Variants in ANKRD35 observed in about 807,000 individuals in gnomAD.
The protein encoded by ANKRD35 is ankyrin repeat domain-containing protein 35.
A neutral mutation model predicts 109.9 loss-of-function variants in ANKRD35; 102 were observed. The ratio of observed to expected loss-of-function variants is 0.93; its 90% CI spans 0.79 to 1.09. The LOEUF is 1.09. Among genes scored for constraint, ANKRD35 ranks in the 50% least tolerant of loss-of-function variants. ANKRD35 has a pLI of 0.00. For synonymous variants in ANKRD35, 515 were observed against 512.4 expected (o/e 1.01, Z -0.07); for missense variants, 1,240 against 1,230.1 (o/e 1.01, Z -0.12).
chr1:145,885,189 T>G (rs1256047169), intron 1 of ANKRD35, among the ~76,000 whole-genome samples: 1 of 151,766 alleles, frequency 6.6e-6, no homozygotes, highest in East Asian at 1.9e-4. Flanking sequence ...CAGAGGAGAT[T>G]GTGAAAAAGG....
intron 1 of ANKRD35, among the ~76,000 whole-genome samples, chr1:145,880,787 T>G (rs1286795151): frequency 6.6e-6 from 1 of 152,186 alleles, no homozygotes; most frequent in Non-Finnish European, 1.5e-5. Flanking sequence ...TAAAATTATC[T>G]AAGGTAGATG....
rs781870617 is a variant in ANKRD35 at position 145,872,571 on chromosome 1, A to C, written c.2198T>G (p.Ile733Ser). 1 of 1,611,498 alleles carries C rather than the reference A, an allele frequency of 6.2e-7. No homozygotes were observed. Residue 733 changes from isoleucine to serine, a missense_variant, in exon 10 of 14, where the codon ATC becomes AGC. Transcript: ENST00000355594. ...CCGGTGCCGATCCACCAGGGTGCTG[A>C]TGCAGGCCCGCAGCTCCTCCAGGGA... ...AESLEELRACISTLVDRHREA... is the reference protein window; with the variant it reads ...AESLEELRACSSTLVDRHREA...
intron 1 of ANKRD35, among the ~76,000 whole-genome samples, chr1:145,884,217 A>G (rs1161917150): frequency 6.6e-6 from 1 of 152,386 alleles, no homozygotes; most frequent in East Asian, 1.9e-4. Context: ...GAATTTCTAA[A>G]AAGTCATTAT....
intron 6 of ANKRD35, 92 bp downstream of exon 6, chr1:145,876,477 A>G: frequency 6.9e-7 from 1 of 1,458,022 alleles, no homozygotes. Context: ...GTGCTAACAC[A>G]GCCCTAGGTC....
At chr1:145,875,142 GA>G in intron 7 of ANKRD35, 136 bp from the exon 8 acceptor site, 1 of 748,338 alleles carries the variant, frequency 1.3e-6, no homozygotes, top group Non-Finnish European at 2.0e-6. Context: ...GACCAGACTA[GA>G]CTTCTCTTTT....
At chr1:145,876,442 CAGG>C in intron 6 of ANKRD35, 124 bp downstream of exon 6, 3 of 1,208,828 alleles carry the variant, frequency 2.5e-6, no homozygotes, top group Non-Finnish European at 3.6e-6. Context: ...AGAGGAGAAG[CAGG>C]AGGAGAAGGA....
chr1:145,879,713 C>G (rs1282350481), intron 1 of ANKRD35, among the ~76,000 whole-genome samples: 1 of 152,178 alleles, frequency 6.6e-6, no homozygotes, highest in African/African-American at 2.4e-5. Context: ...TTGTTCAGTG[C>G]CCAACCTCAG....
intron 7 of ANKRD35, 46 bp downstream of exon 7, chr1:145,876,094 A>T (rs1553739989): frequency 6.4e-7 from 1 of 1,558,726 alleles, no homozygotes; most frequent in Admixed American, 1.7e-5. Context: ...TTCTTTCTAA[A>T]TTGGTCAGGC....
intron 1 of ANKRD35, 59 bp downstream of exon 1, chr1:145,885,661 C>T: frequency 6.4e-7 from 1 of 1,574,700 alleles, no homozygotes. Context: ...GGACTAAAGA[C>T]TTCTGTCACC....
At position 145,878,376 on chromosome 1, in the gene ANKRD35, C is replaced by G; in HGVS notation, c.259+15G>C. 1 of 1,558,548 alleles carries G rather than the reference C, an allele frequency of 6.4e-7. No individual in the cohort carries two copies. Among genetic ancestry groups the G allele is most frequent in the Non-Finnish European group, 8.7e-7 (1 of 1,150,498 alleles). Reference sequence around the variant, plus strand: ...GGCAAGCAAGCAGCGTGGCCCAGTGCTCCGGCTCACTCACCATCCTCATTC... The same window carrying G: ...GGCAAGCAAGCAGCGTGGCCCAGTGGTCCGGCTCACTCACCATCCTCATTC... On this transcript the variant is annotated intron_variant, in intron 3 of 13. Transcript: ENST00000355594.
In ANKRD35 at chr1:145,878,071, C is replaced by G. The variant is rs782418226; in HGVS notation, c.260-39G>C. On this transcript the variant is annotated intron_variant, in intron 3 of 13. Coordinates refer to ENST00000355594, the MANE Select transcript of ANKRD35 (RefSeq NM_144698.5). ...AAGGGGAGAAGGAGGGTAGGTGGCC[C>G]CATGCATGCTGATGACTCACAGGGA... 2.5e-6 allele frequency: 4 copies of G among 1,573,168 alleles called. No homozygotes were observed. The Admixed American group carries it at 5.0e-5, about 20-fold the overall frequency.
rs1030815122 is a variant in ANKRD35, at chr1:145,874,970, G to C, written c.597C>G (p.Ala199=). 1.2e-6 allele frequency: 2 copies of C among 1,611,556 alleles called. No homozygotes were observed. Among genetic ancestry groups the C allele is most frequent in the Non-Finnish European group, 1.7e-6 (2 of 1,178,988 alleles). The change falls in exon 8 of 14, where the codon GCC becomes GCG. Residue 199 remains alanine, a synonymous_variant. Coordinates refer to ENST00000355594, the MANE Select transcript of ANKRD35 (RefSeq NM_144698.5). ...ALILACEKGS[A]EVAELLLSHG... ...GGCTCAGGAGCAGTTCAGCCACCTC[G>C]GCACTGCCTTTCTCACAGGCCAGGA... is the stretch of plus-strand genomic sequence containing the variant.
intron 5 of ANKRD35, 78 bp from the exon 6 acceptor site, chr1:145,876,717 A>C (rs1654091042): frequency 6.2e-7 from 1 of 1,609,730 alleles, no homozygotes; most frequent in South Asian, 1.1e-5. Context: ...CCCTCCGACC[A>C]TTTCATTGGT....
intron 10 of ANKRD35, among the ~76,000 whole-genome samples, chr1:145,871,500 A>G (rs1362646558): frequency 6.6e-6 from 1 of 152,038 alleles, no homozygotes; most frequent in Non-Finnish European, 1.5e-5. Flanking sequence ...CCTCTTTGCC[A>G]ATGGACATCG....
chr1:145,879,199 A>G, intron 2 of ANKRD35, 59 bp downstream of exon 2: 1 of 1,501,940 alleles, frequency 6.7e-7, no homozygotes, highest in East Asian at 2.5e-5. Flanking sequence ...GTTATATTGG[A>G]TTTGGGGGCT....
At chr1:145,876,525 C>T (rs372327878) in intron 6 of ANKRD35, 44 bp downstream of exon 6, 67 of 1,610,304 alleles carry the variant, frequency 4.2e-5, no homozygotes, top group Non-Finnish European at 5.4e-5. Context: ...ACAGCAGCAG[C>T]CCTTCTGTGT....
chr1:145,874,812 G>T lies in ANKRD35; in HGVS notation c.745+10C>A. 1 of 1,567,674 alleles carries T rather than the reference G, an allele frequency of 6.4e-7. No individual in the cohort carries two copies. The highest frequency in any genetic ancestry group is 1.2e-5 in the South Asian group (1 of 84,550). The stretch of plus-strand genomic sequence containing the variant: ...CTTAGAGAACGTGGAAGTTACACAA[G>T]GGCCTTTACCGCCCCGCCGCCGCCG... On this transcript the variant is annotated intron_variant, in intron 8 of 13. Transcript: ENST00000355594.
chr1:145,870,636 G>T (rs1369797528), intron 10 of ANKRD35, among the ~76,000 whole-genome samples: 1 of 151,934 alleles, frequency 6.6e-6, no homozygotes, highest in African/African-American at 2.4e-5. Context: ...ACCTCAACCC[G>T]CACTGATTCC....
chr1:145,879,467 G>GC, intron 1 of ANKRD35, 79 bp from the exon 2 acceptor site: 1 of 1,342,780 alleles, frequency 7.4e-7, no homozygotes, highest in Non-Finnish European at 9.7e-7. Context: ...TGGTTAGGAT[G>GC]CCAAATGAGA....
Sources: gnomAD v4.1 joint callset for allele counts (sites outside exome capture counted in the v4.1 genomes callset) on GRCh38, gnomAD v4.1.1 for gene constraint, MANE v1.5 for transcripts, NCBI Gene and HGNC (gene_info 2026-07-23, HGNC 2026-07-21) for gene names.